The following C1orf141 variants were observed in gnomAD, a reference collection of about 807,000 sequenced individuals.
C1orf141 encodes the protein chromosome 1 open reading frame 141.
A neutral mutation model predicts 23.2 loss-of-function variants in C1orf141; 19 were observed. That is an observed-to-expected ratio of 0.82 (90% CI 0.57 to 1.20). The LOEUF is 1.20. C1orf141 is among the 50% of genes most tolerant of loss of function. C1orf141 has a pLI of 0.00. For missense variants in C1orf141, 469 were observed against 455.1 expected (o/e 1.03, Z -0.28); for synonymous variants, 153 against 154.6 (o/e 0.99, Z 0.08).
rs771658749 is a variant in C1orf141, at chr1:67,093,633, C to T, written c.604-29G>A. The T allele has an allele frequency of 8.1e-6, 12 of 1,487,632 alleles. No homozygotes were observed. In the African/African-American group the frequency reaches 9.9e-5, roughly 12 times the overall value. 92.2% of individuals were successfully genotyped at this position (1,487,632 alleles called of 1,614,324 possible). Reference sequence around the variant, plus strand: ...TAGATTAAAGAAAAGAATAATTAGTCATAAGTTCATTGAGTCAAGAAAGCT... The same window carrying T: ...TAGATTAAAGAAAAGAATAATTAGTTATAAGTTCATTGAGTCAAGAAAGCT... On this transcript the variant is annotated intron_variant, in intron 7 of 7. Coordinates refer to ENST00000684719, the MANE Select transcript of C1orf141 (RefSeq NM_001276351.2).
At chr1:67,123,650 C>G (rs1646345108) in intron 4 of C1orf141, 1 of 152,192 alleles carries the variant, frequency 6.6e-6, no homozygotes, top group Non-Finnish European at 1.5e-5. Context: ...GATACAATTA[C>G]TTTTACCACA....
intron 5 of C1orf141, among the ~76,000 whole-genome samples, chr1:67,103,551 A>C (rs1038774337): frequency 1.8e-4 from 28 of 152,114 alleles, no homozygotes; most frequent in African/African-American, 6.8e-4. Flanking sequence ...TCTCAAAAAA[A>C]CCTACTATGA....
chr1:67,102,805 A>G (rs1645834895), intron 5 of C1orf141: 1 of 152,326 alleles, frequency 6.6e-6, no homozygotes. Context: ...ATGACATTAT[A>G]AAGCCCCTGA....
At chr1:67,136,336 G>A (rs1170821741), upstream of C1orf141, among the ~76,000 whole-genome samples, 3 of 152,096 alleles carry the variant, frequency 2.0e-5, no homozygotes, top group Admixed American at 6.5e-5. Flanking sequence ...TAGCCACTGC[G>A]ACTGGCCAAG....
chr1:67,136,257 T>C (rs1646584617), upstream of C1orf141, among the ~76,000 whole-genome samples: 1 of 152,194 alleles, frequency 6.6e-6, no homozygotes, highest in South Asian at 2.1e-4. Flanking sequence ...CCCAGGCTAG[T>C]CTTGAACTTC....
chr1:67,141,421 A>T (rs902656003), intron 1 of C1orf141, among the ~76,000 whole-genome samples: 11 of 143,476 alleles, frequency 7.7e-5, no homozygotes, highest in South Asian at 2.2e-4. Context: ...AAAGCCTCTT[A>T]AAAAAAAAAA....
At chr1:67,133,475 A>T (rs142321345) in intron 1 of C1orf141, among the ~76,000 whole-genome samples, 1 of 152,216 alleles carries the variant, frequency 6.6e-6, no homozygotes, top group Admixed American at 6.5e-5. Context: ...TCCATCTCAC[A>T]TTCCAAGGAT....
intron 5 of C1orf141, among the ~76,000 whole-genome samples, chr1:67,097,681 G>A (rs1645712822): frequency 1.3e-5 from 2 of 152,186 alleles, no homozygotes; most frequent in South Asian, 4.1e-4. Context: ...AGATCACTCT[G>A]CTTGCTCAGT....
rs548944092 is a variant in C1orf141, at chr1:67,121,299, T to C, written c.233+4453A>G. Among the ~76,000 whole-genome samples, 103 of 152,350 alleles carry C rather than the reference T, an allele frequency of 6.8e-4. No individual in the cohort carries two copies. The South Asian group carries it at 0.02, about 30-fold the overall frequency. The stretch of plus-strand genomic sequence containing the variant: ...CATGCTATTCAAAGCATAATGGCTA[T>C]AGGTAAGGCATACTTTTTTTGGTAA... On this transcript the variant is annotated intron_variant, in intron 4 of 7. Coordinates refer to ENST00000684719, the MANE Select transcript of C1orf141 (RefSeq NM_001276351.2).
chr1:67,127,994 T>C (rs1256007865), intron 2 of C1orf141, among the ~76,000 whole-genome samples: 1 of 152,154 alleles, frequency 6.6e-6, no homozygotes, highest in African/African-American at 2.4e-5. Context: ...TTAATGAAAG[T>C]AAACACAGGG....
At chr1:67,110,800 A>G in intron 5 of C1orf141, among the ~76,000 whole-genome samples, 1 of 151,548 alleles carries the variant, frequency 6.6e-6, no homozygotes, top group East Asian at 1.9e-4. Context: ...AACCATGTAG[A>G]TGAAGATAAA....
chr1:67,106,154 A>G (rs888309281), intron 5 of C1orf141, among the ~76,000 whole-genome samples: 1 of 152,214 alleles, frequency 6.6e-6, no homozygotes, highest in Non-Finnish European at 1.5e-5. Context: ...TGCTAGAACA[A>G]AAACATCAAT....
chr1:67,111,769 T>C, intron 5 of C1orf141: 1 of 436,480 alleles, frequency 2.3e-6, no homozygotes, highest in Admixed American at 4.4e-5. Context: ...TACTTACATA[T>C]GCATTGCTTG....
chr1:67,099,751 G>A (rs946808731), intron 5 of C1orf141, among the ~76,000 whole-genome samples: 7 of 152,170 alleles, frequency 4.6e-5, no homozygotes, highest in African/African-American at 1.7e-4. Flanking sequence ...ACTCCAGCCT[G>A]GGCAACAAAA....
At position 67,117,715 on chromosome 1, in the gene C1orf141, A is replaced by AGTG. The variant is rs1646223987; in HGVS notation, c.234-2252_234-2251insCAC. Among the ~76,000 whole-genome samples the AGTG allele has an allele frequency of 2.0e-5, 3 of 152,208 alleles. No homozygotes were observed. In the South Asian group the frequency reaches 6.2e-4, roughly 32 times the overall value. ...TTTCTAAGGATGATGCTGGCTATAT[A>AGTG]GTCTTGTTAAGGAGGTAATATTTTA... is the stretch of plus-strand genomic sequence containing the variant. On this transcript the variant is annotated intron_variant, in intron 4 of 7. Coordinates refer to ENST00000684719, the MANE Select transcript of C1orf141 (RefSeq NM_001276351.2).
intron 4 of C1orf141, among the ~76,000 whole-genome samples, chr1:67,124,707 A>G (rs1315042381): frequency 6.6e-6 from 1 of 152,220 alleles, no homozygotes; most frequent in African/African-American, 2.4e-5. Flanking sequence ...TCAAGGTCAC[A>G]TAGCTAACAA....
At chr1:67,135,906 C>CAAAAAAAAAAAAAAAAAAAAAAAAAAA (rs59519661), upstream of C1orf141, among the ~76,000 whole-genome samples, 4 of 62,590 alleles carry the variant, frequency 6.4e-5, 1 homozygote, top group African/African-American at 3.0e-4. Flanking sequence ...GGCAAAACTG[C>CAAAAAAAAAAAAAAAAAAAAAAAAAAA]AAAAAAAAAA....
intron 5 of C1orf141, among the ~76,000 whole-genome samples, chr1:67,109,309 A>T (rs12087123): frequency 0.79 from 112,884 of 142,816 alleles, 44,792 homozygotes; most frequent in East Asian, 0.91. Flanking sequence ...CCTGGGCGAC[A>T]GAGCGAGACT....
intron 5 of C1orf141, among the ~76,000 whole-genome samples, chr1:67,108,429 C>A (rs1645984468): frequency 6.6e-6 from 1 of 152,176 alleles, no homozygotes; most frequent in African/African-American, 2.4e-5. Flanking sequence ...AATACCATCA[C>A]ATTGGCTATT....
Sources: gnomAD v4.1 joint callset for allele counts (sites outside exome capture counted in the v4.1 genomes callset) on GRCh38, gnomAD v4.1.1 for gene constraint, MANE v1.5 for transcripts, NCBI Gene and HGNC (gene_info 2026-07-23, HGNC 2026-07-21) for gene names.